POLQ: variants seen among roughly 807,000 people sequenced by gnomAD.
POLQ encodes epididymis secretory sperm binding protein.
Under a neutral mutation model 259.2 loss-of-function variants are expected in POLQ, and 233 were observed. The ratio of observed to expected loss-of-function variants is 0.90; its 90% CI spans 0.81 to 1.00. POLQ has a LOEUF of 1.00. POLQ is among the 50% of genes least tolerant of loss of function. The probability of loss-of-function intolerance (pLI) is 0.00; values close to 1 mark genes in which losing one functional copy is unlikely to be tolerated. For missense variants in POLQ, 2,871 were observed against 3,051.6 expected, an observed-to-expected ratio of 0.94 and a Z score of 1.39; for synonymous variants, 1,025 against 1,048.8, an observed-to-expected ratio of 0.98 and a Z score of 0.44.
rs1318281743 is a variant in POLQ, at chr3:121,488,060, C to T, written c.4871G>A (p.Arg1624Lys). ...TGACCATATGAATGAATGATTTTGC[C>T]TGGTCCCAGTTAATTTTGATTTTTC... is the stretch of plus-strand genomic sequence containing the variant. ...RAEKSKLTGT[R>K]QNHSFIWSGA... is the part of the protein sequence containing the mutation. Residue 1624 changes from arginine to lysine, a missense_variant, in exon 16 of 30, where the codon AGG (arginine) becomes AAG (lysine). Arg to Lys is a conservative substitution (Grantham distance 26). This residue lies in a region of POLQ where 2,080 missense variants were observed against 2,126.0 expected (regional missense o/e 0.98). Coordinates refer to ENST00000264233, the MANE Select transcript of POLQ (RefSeq NM_199420.4). 2 of 1,614,010 alleles carry T rather than the reference C, an allele frequency of 1.2e-6. No homozygotes were observed. Among genetic ancestry groups the T allele is most frequent in the Non-Finnish European group, 1.7e-6 (2 of 1,179,960 alleles).
Position 121,468,387 on chromosome 3 carries a change from C to CTCTTGGCACAT in POLQ, c.6752_6762dup (p.Asp2255MetfsTer13). 6.2e-7 allele frequency: 1 copy of CTCTTGGCACAT among 1,609,818 alleles called. No individual in the cohort carries two copies. Among genetic ancestry groups the CTCTTGGCACAT allele is most frequent in the Non-Finnish European group, 8.5e-7 (1 of 1,176,276 alleles). On this transcript the variant is annotated frameshift_variant, in exon 23 of 30. Transcript: ENST00000264233. LOFTEE classifies it high-confidence loss of function. ...AGTGTTGGCATTTTGATTTCAAAAT[C>CTCTTGGCACAT]TCTTGGCACATTCTGAATATTTGGT...
At chr3:121,447,678 A>G (rs1234718957) in intron 26 of POLQ, among the ~76,000 whole-genome samples, 4 of 152,168 alleles carry the variant, frequency 2.6e-5, no homozygotes, top group Admixed American at 2.6e-4. Context: ...ATTGCTCATT[A>G]ACATCCTTTT....
At chr3:121,444,258 T>G (rs911150929) in intron 26 of POLQ, among the ~76,000 whole-genome samples, 1 of 152,210 alleles carries the variant, frequency 6.6e-6, no homozygotes, top group Admixed American at 6.5e-5. Context: ...TTTTGTGTCC[T>G]CTTCAATTTC....
intron 3 of POLQ, 35 bp downstream of exon 3, chr3:121,541,314 C>A: frequency 1.3e-6 from 2 of 1,502,244 alleles, no homozygotes; most frequent in South Asian, 1.3e-5. Context: ...CAATAATGAG[C>A]CTTTCACTAT....
chr3:121,508,292 G>C (rs1412408789), intron 12 of POLQ, among the ~76,000 whole-genome samples: 2 of 152,060 alleles, frequency 1.3e-5, no homozygotes, highest in Non-Finnish European at 2.9e-5. Flanking sequence ...GGAGTAGTTA[G>C]GTAATTTGGC....
intron 25 of POLQ, among the ~76,000 whole-genome samples, chr3:121,451,987 C>T (rs527989759): frequency 2.6e-5 from 4 of 152,342 alleles, no homozygotes; most frequent in South Asian, 2.1e-4. Flanking sequence ...TCAGCACTGG[C>T]GGGCGCCCCT....
chr3:121,448,025 A>G (rs953264401), intron 26 of POLQ, among the ~76,000 whole-genome samples: 36 of 152,066 alleles, frequency 2.4e-4, no homozygotes, highest in Admixed American at 2.4e-3. Context: ...AATCTGTTCT[A>G]TAACTTTCTT....
chr3:121,487,246 C>T lies in POLQ; in HGVS notation c.5629+56G>A, dbSNP rs956862885. ...TAACATTGAGAAATCTAACTCTTAT[C>T]TCAGTCTACTAAGTAGTTTATAAAT... is the stretch of plus-strand genomic sequence containing the variant. On this transcript the variant is annotated intron_variant, in intron 16 of 29. Transcript: ENST00000264233. The T allele has an allele frequency of 9.9e-6, 9 of 906,242 alleles. No individual in the cohort carries two copies. In the African/African-American group the frequency reaches 1.5e-4, roughly 15 times the overall value. The allele number at this position is 906,242 out of a possible 1,614,324, so 56.1% of individuals were successfully genotyped here. A position where few individuals can be genotyped will look rare whatever the true frequency, so the allele number is the denominator to read the frequency against.
intron 12 of POLQ, among the ~76,000 whole-genome samples, chr3:121,507,281 T>C (rs1056954822): frequency 1.3e-5 from 2 of 152,230 alleles, no homozygotes; most frequent in Admixed American, 1.3e-4. Flanking sequence ...AAAACATAAA[T>C]GTATTTTAAT....
rs1347761447 is a variant in POLQ, at chr3:121,472,091, G to A, written c.6617C>T (p.Ala2206Val). ...AAGGGGAAAGACCACTTTGGTAATA[G>A]CATTAGTGATTCTTCTCCATTCTAA... ...LILEWRRITN[A>V]ITKVVFPLQR... is the part of the protein sequence containing the mutation. Residue 2206 changes from alanine to valine, a missense_variant, in exon 22 of 30, where the codon GCT becomes GTT. By Grantham distance (64) the Ala-to-Val change is moderately conservative (BLOSUM62 0). Coordinates refer to ENST00000264233, the MANE Select transcript of POLQ (RefSeq NM_199420.4). 2 of 1,574,978 alleles carry A rather than the reference G, an allele frequency of 1.3e-6. No homozygotes were observed. Among genetic ancestry groups the A allele is most frequent in the Non-Finnish European group, 1.7e-6 (2 of 1,148,388 alleles).
At chr3:121,494,104 C>T (rs1195328409) in intron 14 of POLQ, 1 of 713,182 alleles carries the variant, frequency 1.4e-6, no homozygotes, top group Non-Finnish European at 2.5e-6. Context: ...CTTCCCGCCA[C>T]CCAAGATGCC....
chr3:121,540,522 GCAT>G (rs2048482649), intron 3 of POLQ, among the ~76,000 whole-genome samples: 1 of 152,194 alleles, frequency 6.6e-6, no homozygotes, highest in South Asian at 2.1e-4. Context: ...AAAACTGTGA[GCAT>G]CATATTGATG....
intron 24 of POLQ, among the ~76,000 whole-genome samples, chr3:121,461,609 C>T (rs1323943997): frequency 6.7e-6 from 1 of 149,998 alleles, no homozygotes. Flanking sequence ...TGAGATCCCA[C>T]CGCTGTACTC....
chr3:121,503,014 C>T (rs945629998), intron 12 of POLQ, among the ~76,000 whole-genome samples: 7 of 152,108 alleles, frequency 4.6e-5, no homozygotes, highest in African/African-American at 1.7e-4. Context: ...TGCATAATGA[C>T]ATTTTTGGTC....
intron 16 of POLQ, among the ~76,000 whole-genome samples, chr3:121,486,326 G>A (rs2048010257): frequency 6.6e-6 from 1 of 152,118 alleles, no homozygotes. Context: ...CGAGGTGGGT[G>A]GATCACGAGG....
intron 29 of POLQ, 28 bp downstream of exon 29, chr3:121,432,889 TG>T (rs1430735152): frequency 8.1e-7 from 1 of 1,237,878 alleles, no homozygotes; most frequent in Non-Finnish European, 1.2e-6. Context: ...TGTCTTCCTA[TG>T]GAATGGACAC....
At chr3:121,503,469 A>G (rs1320459634) in intron 12 of POLQ, among the ~76,000 whole-genome samples, 1 of 152,252 alleles carries the variant, frequency 6.6e-6, no homozygotes, top group Non-Finnish European at 1.5e-5. Flanking sequence ...TACCGACTGT[A>G]GTTGAAAACT....
chr3:121,490,420 G>C lies in POLQ; in HGVS notation c.2523-12C>G, dbSNP rs1294963514. 9 of 1,600,828 alleles carry C rather than the reference G, an allele frequency of 5.6e-6. No homozygotes were observed. In the African/African-American group the frequency reaches 9.4e-5, roughly 17 times the overall value. ...CTGCCTTCCGGGCACTACACAAGGA[G>C]ATGGGAAAAGACAGAAATGAATTCA... On this transcript the variant is annotated splice_polypyrimidine_tract_variant and intron_variant, in intron 15 of 29. Transcript: ENST00000264233.
chr3:121,518,183 T>C (rs535814877), intron 9 of POLQ, among the ~76,000 whole-genome samples: 81 of 152,356 alleles, frequency 5.3e-4, no homozygotes, highest in Middle Eastern at 3.4e-3. Context: ...GTTGTTTACA[T>C]TGAGCTCCAG....
Sources: gnomAD v4.1 joint callset for allele counts (sites outside exome capture counted in the v4.1 genomes callset) on GRCh38, gnomAD v4.1.1 for gene constraint, gnomAD v4.1.1 regional missense constraint, MANE v1.5 for transcripts, NCBI Gene and HGNC (gene_info 2026-07-23, HGNC 2026-07-21) for gene names.